NLRP7: variants seen among roughly 807,000 people sequenced by gnomAD.
NLRP7 encodes the protein NACHT, LRR and PYD domains-containing protein 7.
In NLRP7, 72 loss-of-function variants were observed where a neutral mutation model predicts 85.5. That is an observed-to-expected ratio of 0.84 (90% CI 0.70 to 1.02). The LOEUF (loss-of-function observed/expected upper bound fraction) is 1.02, where lower values mean the gene tolerates loss of function less well. Among genes scored for constraint, NLRP7 ranks in the 50% least tolerant of loss-of-function variants. NLRP7 has a pLI of 0.00. For missense variants in NLRP7, 1,243 were observed against 1,219.5 expected (o/e 1.02, Z -0.29); for synonymous variants, 550 against 505.2 (o/e 1.09, Z -1.19).
exon 4 of NLRP7, chr19:54,939,826 G>A: frequency 3.7e-6 from 6 of 1,614,090 alleles, no homozygotes; most frequent in Non-Finnish European, 5.1e-6. Context: ...TCAGGAAATA[G>A]GCCCTCCTGT....
chr19:54,932,598 G>A (rs575549322), intron 8 of NLRP7, among the ~76,000 whole-genome samples: 17 of 152,208 alleles, frequency 1.1e-4, no homozygotes, highest in African/African-American at 4.1e-4. Flanking sequence ...ACTATAGTTC[G>A]TGGGTCAATT....
intron 1 of NLRP7, among the ~76,000 whole-genome samples, chr19:54,962,842 G>C (rs4422092): frequency 6.8e-6 from 1 of 147,810 alleles, no homozygotes; most frequent in Non-Finnish European, 1.5e-5. Flanking sequence ...CTCGTGATCC[G>C]CCCGCCTCGG....
intron 1 of NLRP7, among the ~76,000 whole-genome samples, chr19:54,962,431 C>A (rs1305703167): frequency 6.6e-6 from 1 of 151,064 alleles, no homozygotes; most frequent in Non-Finnish European, 1.5e-5. Flanking sequence ...CTACGCCTGG[C>A]TAATTTTTTG....
chr19:54,925,400 C>T (rs1208718934), intron 9 of NLRP7, among the ~76,000 whole-genome samples: 1 of 152,086 alleles, frequency 6.6e-6, no homozygotes, highest in Non-Finnish European at 1.5e-5. Context: ...AAAAATCGTA[C>T]CTTGAGCAGG....
rs908205091 is a variant in NLRP7, at chr19:54,946,358, T to C, written c.-40+1111A>G. 4.6e-5 allele frequency among the ~76,000 whole-genome samples: 7 copies of C among 151,372 alleles called. No individual in the cohort carries two copies. The East Asian group carries it at 1.2e-3, about 26-fold the overall frequency. On this transcript the variant is annotated intron_variant, in intron 1 of 9. Coordinates refer to ENST00000340844, the Ensembl canonical transcript of NLRP7. The stretch of plus-strand genomic sequence containing the variant: ...TCCCGAGTAGCTGGGATTACAGGCA[T>C]GTGCCACCACGCCCAGCTAATTTTG...
intron 9 of NLRP7, among the ~76,000 whole-genome samples, chr19:54,927,378 T>A: frequency 9.6e-6 from 1 of 104,212 alleles, no homozygotes. Flanking sequence ...CAAAACTCCG[T>A]CTCAAAAAAA....
chr19:54,939,718 C>G, exon 4 of NLRP7: 1 of 1,613,572 alleles, frequency 6.2e-7, no homozygotes, highest in Non-Finnish European at 8.5e-7. Flanking sequence ...TGCACACAAT[C>G]CAGCACACCG....
chr19:54,958,469 G>A (rs574590411), intron 1 of NLRP7, among the ~76,000 whole-genome samples: 9 of 150,438 alleles, frequency 6.0e-5, no homozygotes, highest in African/African-American at 2.2e-4. Context: ...GTGAAACCCT[G>A]TCTCTACTAA....
intron 9 of NLRP7, among the ~76,000 whole-genome samples, chr19:54,927,397 AAAAG>A (rs1427523996): frequency 1.3e-5 from 2 of 152,016 alleles, no homozygotes; most frequent in East Asian, 1.9e-4. Context: ...AAAAAAAAGA[AAAAG>A]AAAAAAATTA....
intron 9 of NLRP7, among the ~76,000 whole-genome samples, 160 bp from the exon 11 acceptor site, chr19:54,924,032 A>G (rs1047880779): frequency 1.3e-5 from 2 of 152,104 alleles, no homozygotes; most frequent in African/African-American, 4.8e-5. Flanking sequence ...CAGTGGTGCC[A>G]TCTTGGCTCT....
chr19:54,934,709 C>CTATCA lies in NLRP7; in HGVS notation c.2301-55_2301-51dup, dbSNP rs2068831379. 4 of 1,471,736 alleles carry CTATCA rather than the reference C, an allele frequency of 2.7e-6. No individual in the cohort carries two copies. The highest frequency in any genetic ancestry group is 3.7e-6 in the Non-Finnish European group (4 of 1,088,510). The allele number at this position is 1,471,736 out of a possible 1,614,324, so 91.2% of individuals were successfully genotyped here. ...TTCTTCTGGGAGGACAGAGTATACC[C>CTATCA]TATCAGCTTTTTTTTTTTGAGACAG... On this transcript the variant is annotated intron_variant, in intron 6 of 9. Coordinates refer to ENST00000340844, the Ensembl canonical transcript of NLRP7. This position sits in a 1 kb window ranked among gnomAD's most constrained non-coding sequence, Gnocchi z 6.7.
At chr19:54,958,816 G>C (rs1018010362) in intron 1 of NLRP7, among the ~76,000 whole-genome samples, 1 of 152,108 alleles carries the variant, frequency 6.6e-6, no homozygotes, top group Non-Finnish European at 1.5e-5. Flanking sequence ...CAAGCTCCTC[G>C]AGTGCACAGT....
chr19:54,945,025 G>T (rs1428043689), intron 1 of NLRP7, among the ~76,000 whole-genome samples: 1 of 151,730 alleles, frequency 6.6e-6, no homozygotes, highest in Non-Finnish European at 1.5e-5. Context: ...AGATCACAAG[G>T]TGAGGAGCTC....
chr19:54,959,834 G>A (rs1468326831), intron 1 of NLRP7, among the ~76,000 whole-genome samples: 4 of 151,966 alleles, frequency 2.6e-5, no homozygotes, highest in African/African-American at 7.2e-5. Context: ...TTACCCAACT[G>A]CTCCGTTTTA....
chr19:54,942,049 C>A (rs2069252089), intron 1 of NLRP7, among the ~76,000 whole-genome samples: 1 of 151,442 alleles, frequency 6.6e-6, no homozygotes, highest in Non-Finnish European at 1.5e-5. Flanking sequence ...ATCAGGAGAT[C>A]GAGACCATCC....
At position 54,938,864 on chromosome 19, in the gene NLRP7, G is replaced by A. The variant is rs201625560; in HGVS notation, c.1931+24C>T. ...GACGCTGGCCTCTTCCTAGTGGAGC[G>A]TGGGATGGGAAAACAGTTCTTACCT... On this transcript the variant is annotated intron_variant, in intron 4 of 9. Coordinates refer to ENST00000340844, the Ensembl canonical transcript of NLRP7. The A allele has an allele frequency of 9.5e-5, 153 of 1,612,588 alleles. 1 individual carries two copies. In the East Asian group the frequency reaches 2.2e-3, roughly 23 times the overall value.
chr19:54,965,460 T>C, intron 1 of NLRP7: 1 of 99,628 alleles, frequency 1.0e-5, no homozygotes, highest in Admixed American at 9.6e-5. Context: ...TTTTATTTCA[T>C]ATATTTTTTT....
intron 1 of NLRP7, among the ~76,000 whole-genome samples, chr19:54,964,648 C>T (rs1456140364): frequency 1.3e-5 from 2 of 150,914 alleles, no homozygotes; most frequent in East Asian, 2.0e-4. Context: ...CATGGCAAAA[C>T]CCCGTCTCTA....
At chr19:54,926,173 G>A (rs1244801060) in intron 9 of NLRP7, among the ~76,000 whole-genome samples, 2 of 151,350 alleles carry the variant, frequency 1.3e-5, no homozygotes, top group Admixed American at 6.6e-5. Flanking sequence ...GACAGCTCTG[G>A]GAACTACCTA....
Sources: gnomAD v4.1 joint callset for allele counts (sites outside exome capture counted in the v4.1 genomes callset) on GRCh38, gnomAD v4.1.1 for gene constraint, Gnocchi (gnomAD v3.1) non-coding constraint, MANE v1.5 for transcripts, NCBI Gene and HGNC (gene_info 2026-07-23, HGNC 2026-07-21) for gene names.